The following AGMO variants were observed in gnomAD, a reference collection of about 807,000 sequenced individuals.
AGMO encodes the protein glyceryl-ether monooxygenase.
Under a neutral mutation model 60.2 loss-of-function variants are expected in AGMO, and 75 were observed. The ratio of observed to expected loss-of-function variants is 1.25; its 90% CI spans 1.03 to 1.51. The LOEUF (loss-of-function observed/expected upper bound fraction) is 1.51. Ranked by LOEUF, AGMO falls within the 40% of genes most tolerant of loss-of-function variation. The pLI is 0.00. For synonymous variants in AGMO, 261 were observed against 177.1 expected, an observed-to-expected ratio of 1.47 and a Z score of -3.76; for missense variants, 763 against 525.5, an observed-to-expected ratio of 1.45 and a Z score of -4.42.
chr7:15,219,558 G>C (rs4342487), intron 12 of AGMO, among the ~76,000 whole-genome samples: 31,233 of 151,988 alleles, frequency 0.21, 3,407 homozygotes, highest in South Asian at 0.33. Flanking sequence ...CACAAGTAAA[G>C]AGTAAAGAAG....
At chr7:15,344,041 C>T (rs1199281435) in intron 12 of AGMO, among the ~76,000 whole-genome samples, 1 of 152,086 alleles carries the variant, frequency 6.6e-6, no homozygotes, top group Admixed American at 6.6e-5. Context: ...AAAATAGACA[C>T]TTGTCAGACA....
At position 15,257,341 on chromosome 7, in the gene AGMO, T is replaced by A. The variant is rs146277525; in HGVS notation, c.1264-55982A>T. On this transcript the variant is annotated intron_variant, in intron 12 of 12. Coordinates refer to ENST00000342526, the MANE Select transcript of AGMO (RefSeq NM_001004320.2). ...TTGATACCTACTATGGACATATTAA[T>A]ATTATAATGATTTAATGCTGTTTTA... is the stretch of plus-strand genomic sequence containing the variant. Among the ~76,000 whole-genome samples the A allele has an allele frequency of 5.9e-3, 899 of 152,282 alleles. 6 individuals carry two copies. Among genetic ancestry groups the A allele is most frequent in the African/African-American group, 0.021 (852 of 41,554 alleles).
chr7:15,419,680 T>C (rs558769694), intron 4 of AGMO, among the ~76,000 whole-genome samples: 1 of 152,006 alleles, frequency 6.6e-6, no homozygotes, highest in Non-Finnish European at 1.5e-5. Flanking sequence ...GAATGTTTTT[T>C]TTTTAATATA....
intron 3 of AGMO, among the ~76,000 whole-genome samples, chr7:15,514,879 T>G (rs1033565780): frequency 1.4e-4 from 22 of 152,186 alleles, no homozygotes; most frequent in Admixed American, 7.2e-4. Context: ...CACATCTCTG[T>G]GCTCAAACAC....
In AGMO at chr7:15,485,986, T is replaced by C. The variant is rs139978428; in HGVS notation, c.410-54878A>G. On this transcript the variant is annotated intron_variant, in intron 3 of 12. Coordinates refer to ENST00000342526, the MANE Select transcript of AGMO (RefSeq NM_001004320.2). ...CTTTACCACATCTTTACTATTTCTG[T>C]GTTTTGGATTAAGAAATGTTTGTCA... 7.3e-3 allele frequency among the ~76,000 whole-genome samples: 1,106 copies of C among 152,228 alleles called. 18 individuals are homozygous for C. Among genetic ancestry groups the C allele is most frequent in the African/African-American group, 0.025 (1,046 of 41,542 alleles).
intron 12 of AGMO, among the ~76,000 whole-genome samples, chr7:15,363,835 G>C (rs1562459574): frequency 6.6e-6 from 1 of 151,950 alleles, no homozygotes; most frequent in Non-Finnish European, 1.5e-5. Flanking sequence ...ATAAACCTAA[G>C]AGTACTCTCA....
chr7:15,261,332 AC>A (rs1322868570), intron 12 of AGMO, among the ~76,000 whole-genome samples: 2 of 152,242 alleles, frequency 1.3e-5, no homozygotes, highest in East Asian at 3.9e-4. Flanking sequence ...TACAAGTGAT[AC>A]CACAGAAATA....
chr7:15,230,223 T>G (rs1782218777), intron 12 of AGMO, among the ~76,000 whole-genome samples: 1 of 152,120 alleles, frequency 6.6e-6, no homozygotes, highest in East Asian at 1.9e-4. Context: ...TTTGAAAATT[T>G]TGTGACAGAA....
intron 12 of AGMO, among the ~76,000 whole-genome samples, chr7:15,334,341 A>G (rs890034850): frequency 6.7e-6 from 1 of 150,128 alleles, no homozygotes; most frequent in African/African-American, 2.4e-5. Context: ...TGCATCTGCT[A>G]TTTATTTACA....
At chr7:15,260,245 G>A (rs1431760726) in intron 12 of AGMO, among the ~76,000 whole-genome samples, 1 of 148,874 alleles carries the variant, frequency 6.7e-6, no homozygotes, top group East Asian at 2.0e-4. Context: ...CACCAACCAA[G>A]TTTCTGCTGT....
intron 3 of AGMO, among the ~76,000 whole-genome samples, chr7:15,542,468 A>G (rs1784655112): frequency 6.6e-6 from 1 of 152,218 alleles, no homozygotes; most frequent in Non-Finnish European, 1.5e-5. Flanking sequence ...ATAGTTTTAT[A>G]TTGGTAATAT....
intron 12 of AGMO, among the ~76,000 whole-genome samples, chr7:15,292,644 G>A (rs756207197): frequency 9.9e-5 from 15 of 151,414 alleles, no homozygotes; most frequent in African/African-American, 1.9e-4. Context: ...AAGCTCCTAC[G>A]GACAAAATAA....
At chr7:15,518,550 G>A (rs1783888206) in intron 3 of AGMO, among the ~76,000 whole-genome samples, 1 of 152,130 alleles carries the variant, frequency 6.6e-6, no homozygotes, top group African/African-American at 2.4e-5. Flanking sequence ...TGGACCTCCA[G>A]CAAACTCCAG....
At chr7:15,540,083 T>G (rs1784585856) in intron 3 of AGMO, among the ~76,000 whole-genome samples, 1 of 152,100 alleles carries the variant, frequency 6.6e-6, no homozygotes, top group Non-Finnish European at 1.5e-5. Context: ...AGGGAGGAAT[T>G]CAATGTTACA....
chr7:15,483,098 A>C (rs1298926709), intron 3 of AGMO, among the ~76,000 whole-genome samples: 5 of 152,240 alleles, frequency 3.3e-5, no homozygotes, highest in Non-Finnish European at 2.9e-5. Flanking sequence ...GAAGAAAATA[A>C]TACTGTTACT....
At chr7:15,368,806 GA>G (rs1486919500) in intron 10 of AGMO, among the ~76,000 whole-genome samples, 1 of 152,080 alleles carries the variant, frequency 6.6e-6, no homozygotes, top group Admixed American at 6.6e-5. Context: ...CTTTGGTTAG[GA>G]AATCTATGAT....
At chr7:15,382,903 T>A (rs1783752184) in intron 10 of AGMO, among the ~76,000 whole-genome samples, 1 of 152,114 alleles carries the variant, frequency 6.6e-6, no homozygotes, top group Admixed American at 6.5e-5. Context: ...AAATCACGTA[T>A]TTATGTGTGA....
chr7:15,144,479 A>C, the AGMO span, among the ~76,000 whole-genome samples: 1 of 152,230 alleles, frequency 6.6e-6, no homozygotes, highest in Non-Finnish European at 1.5e-5. Context: ...TGCAAATGAG[A>C]AAAATAAGTC....
downstream of AGMO, among the ~76,000 whole-genome samples, chr7:15,198,246 A>AGAGAGAGG (rs1781182307): frequency 3.3e-5 from 3 of 90,860 alleles, no homozygotes; most frequent in Non-Finnish European, 3.9e-5. Flanking sequence ...AGAGAGAGAG[A>AGAGAGAGG]GAGAGAGAGA....
Sources: allele counts gnomAD v4.1 joint callset (sites outside exome capture counted in the v4.1 genomes callset), GRCh38; gene constraint gnomAD v4.1.1; transcripts MANE v1.5; gene names NCBI Gene and HGNC (gene_info 2026-07-23, HGNC 2026-07-21).